The following CNTNAP2 variants were observed in gnomAD, a reference collection of about 807,000 sequenced individuals.
The protein encoded by CNTNAP2 is contactin associated protein 2, also known as contactin-associated protein-like 2.
Under a neutral mutation model 155.2 loss-of-function variants are expected in CNTNAP2, and 98 were observed. The observed-to-expected ratio is 0.63, with a 90% CI of 0.54 to 0.75. The LOEUF (loss-of-function observed/expected upper bound fraction) is 0.75. Among genes scored for constraint, CNTNAP2 ranks in the 30% least tolerant of loss-of-function variants. The probability of loss-of-function intolerance (pLI) is 0.00; values close to 1 mark genes in which losing one functional copy is unlikely to be tolerated. For missense variants in CNTNAP2, 1,727 were observed against 1,688.1 expected, an observed-to-expected ratio of 1.02 and a Z score of -0.40; for synonymous variants, 651 against 631.2, an observed-to-expected ratio of 1.03 and a Z score of -0.47.
chr7:147,301,980 A>G (rs1794953834), intron 9 of CNTNAP2, among the ~76,000 whole-genome samples: 1 of 152,122 alleles, frequency 6.6e-6, no homozygotes, highest in South Asian at 2.1e-4. Flanking sequence ...TGCTTCTTTA[A>G]TCTTCCATAA....
chr7:147,022,439 A>G (rs994102933), intron 3 of CNTNAP2, among the ~76,000 whole-genome samples: 2 of 152,126 alleles, frequency 1.3e-5, no homozygotes, highest in Non-Finnish European at 2.9e-5. Flanking sequence ...GATTTTCACT[A>G]TGCAGAAGTG....
intron 1 of CNTNAP2, among the ~76,000 whole-genome samples, chr7:146,710,511 C>T (rs1041433671): frequency 3.3e-5 from 5 of 152,244 alleles, no homozygotes; most frequent in Admixed American, 3.3e-4. Context: ...ACAGTATCCT[C>T]CTTGTAGTTT....
intron 3 of CNTNAP2, among the ~76,000 whole-genome samples, chr7:146,902,434 G>A (rs945167315): frequency 3.9e-5 from 6 of 152,024 alleles, no homozygotes; most frequent in Non-Finnish European, 7.3e-5. Flanking sequence ...ATGACACTTG[G>A]GACAAAACTG....
chr7:147,850,201 A>G (rs1187204748), intron 13 of CNTNAP2, among the ~76,000 whole-genome samples: 1 of 152,186 alleles, frequency 6.6e-6, no homozygotes. Context: ...TAGGAATCCA[A>G]CTTATAAGGG....
intron 4 of CNTNAP2, among the ~76,000 whole-genome samples, chr7:147,057,472 G>A (rs1400383889): frequency 6.6e-6 from 1 of 152,118 alleles, no homozygotes; most frequent in East Asian, 1.9e-4. Flanking sequence ...TAAAGATAAA[G>A]TTTTGTCAGT....
chr7:148,353,226 C>T (rs1798458695), intron 21 of CNTNAP2, among the ~76,000 whole-genome samples: 1 of 152,148 alleles, frequency 6.6e-6, no homozygotes, highest in Admixed American at 6.5e-5. Context: ...AAGTGTTCCC[C>T]CTCAGAATGC....
chr7:146,330,692 C>G (rs1801170786), intron 1 of CNTNAP2, among the ~76,000 whole-genome samples: 1 of 152,090 alleles, frequency 6.6e-6, no homozygotes, highest in Non-Finnish European at 1.5e-5. Flanking sequence ...AACCCTGAGG[C>G]TGGTTTATAC....
intron 1 of CNTNAP2, among the ~76,000 whole-genome samples, chr7:146,387,578 A>C (rs1190091979): frequency 6.6e-6 from 1 of 152,202 alleles, no homozygotes; most frequent in Non-Finnish European, 1.5e-5. Flanking sequence ...TTTCATAAAG[A>C]GATGATTCCT....
chr7:147,583,236 G>T (rs1800543306), intron 12 of CNTNAP2, among the ~76,000 whole-genome samples: 1 of 151,942 alleles, frequency 6.6e-6, no homozygotes, highest in Middle Eastern at 3.4e-3. Context: ...TCTCTCTATG[G>T]CAGTTCCACA....
At chr7:147,775,312 T>TATATTTATATATATATTTATAA (rs1797556960) in intron 13 of CNTNAP2, among the ~76,000 whole-genome samples, 4 of 34,248 alleles carry the variant, frequency 1.2e-4, no homozygotes, top group South Asian at 1.6e-3. Flanking sequence ...TATTTATAAA[T>TATATTTATATATATATTTATAA]ATATATATAT....
At chr7:147,335,231 G>A (rs994464363) in intron 9 of CNTNAP2, among the ~76,000 whole-genome samples, 1 of 152,160 alleles carries the variant, frequency 6.6e-6, no homozygotes, top group African/African-American at 2.4e-5. Flanking sequence ...GACTCATGCT[G>A]AGTTAATGCT....
chr7:146,315,822 G>A (rs1398144515), intron 1 of CNTNAP2, among the ~76,000 whole-genome samples: 2 of 152,076 alleles, frequency 1.3e-5, no homozygotes, highest in African/African-American at 2.4e-5. Flanking sequence ...GCCTTAGAAT[G>A]TAATAATTCT....
intron 2 of CNTNAP2, among the ~76,000 whole-genome samples, chr7:146,791,188 G>A (rs983990791): frequency 6.6e-6 from 1 of 152,018 alleles, no homozygotes; most frequent in African/African-American, 2.4e-5. Flanking sequence ...ACAACACGTG[G>A]TGTTTGGTTT....
intron 1 of CNTNAP2, among the ~76,000 whole-genome samples, chr7:146,235,480 A>C (rs779865973): frequency 5.9e-5 from 9 of 152,138 alleles, no homozygotes; most frequent in Non-Finnish European, 1.2e-4. Context: ...TAGAAAAGAA[A>C]AGGCAACTAA....
chr7:148,405,047 G>C (rs1048861173), intron 22 of CNTNAP2, among the ~76,000 whole-genome samples: 2 of 152,112 alleles, frequency 1.3e-5, no homozygotes, highest in African/African-American at 4.8e-5. Flanking sequence ...ATTTGGGTGG[G>C]AAAACAGGGC....
intron 1 of CNTNAP2, among the ~76,000 whole-genome samples, chr7:146,441,181 A>G (rs1796315870): frequency 6.6e-6 from 1 of 151,638 alleles, no homozygotes; most frequent in Admixed American, 6.6e-5. Context: ...GAATAAAACT[A>G]TAAACATATG....
intron 13 of CNTNAP2, chr7:147,849,781 G>C (rs2116665318): frequency 6.6e-6 from 1 of 152,300 alleles, no homozygotes; most frequent in South Asian, 2.1e-4. Context: ...CAAGTGAGAT[G>C]GTCATCACTT....
chr7:148,357,414 C>T (rs961080666), intron 21 of CNTNAP2, among the ~76,000 whole-genome samples: 1 of 152,180 alleles, frequency 6.6e-6, no homozygotes, highest in African/African-American at 2.4e-5. Context: ...TGAGAACAGA[C>T]TAATACACCA....
intron 2 of CNTNAP2, among the ~76,000 whole-genome samples, chr7:146,822,903 A>G (rs1803318343): frequency 6.8e-6 from 1 of 146,334 alleles, no homozygotes; most frequent in Non-Finnish European, 1.5e-5. Flanking sequence ...ATGGAAATAT[A>G]CTCATTCTTC....
Sources: allele counts gnomAD v4.1 joint callset (sites outside exome capture counted in the v4.1 genomes callset), GRCh38; gene constraint gnomAD v4.1.1; transcripts MANE v1.5; gene names NCBI Gene and HGNC (gene_info 2026-07-23, HGNC 2026-07-21).